Variants in ASTN2 observed in about 807,000 individuals in gnomAD.
ASTN2 encodes astrotactin-2.
Under a neutral mutation model 139.8 loss-of-function variants are expected in ASTN2, and 54 were observed. The observed-to-expected ratio is 0.39, with a 90% CI of 0.31 to 0.48. The LOEUF (loss-of-function observed/expected upper bound fraction) is 0.48. Among genes scored for constraint, ASTN2 ranks in the 20% least tolerant of loss-of-function variants. ASTN2 has a pLI of 0.95. For synonymous variants in ASTN2, 756 were observed against 719.5 expected, an observed-to-expected ratio of 1.05 and a Z score of -0.81; for missense variants, 1,565 against 1,725.1, an observed-to-expected ratio of 0.91 and a Z score of 1.64.
chr9:116,679,200 T>C (rs1166445023), intron 16 of ASTN2, among the ~76,000 whole-genome samples: 3 of 152,200 alleles, frequency 2.0e-5, no homozygotes, highest in African/African-American at 7.2e-5. Flanking sequence ...TGACTTATGG[T>C]AACCTGGGAT....
Position 116,629,702 on chromosome 9 carries a change from G to A in ASTN2, c.3073-9259C>T, listed in dbSNP as rs557068388. Among the ~76,000 whole-genome samples, 6 of 152,262 alleles carry A rather than the reference G, an allele frequency of 3.9e-5. No homozygotes were observed. The East Asian group carries it at 1.2e-3, about 29-fold the overall frequency. On this transcript the variant is annotated intron_variant, in intron 17 of 22. Transcript: ENST00000313400. ...AAACGACACCTAATTTCCCCTGTCA[G>A]GATAAGCTTCACTTTTCAAGCCATT... is the stretch of plus-strand genomic sequence containing the variant.
intron 7 of ASTN2, among the ~76,000 whole-genome samples, chr9:116,984,244 G>A (rs1025060776): frequency 6.6e-6 from 1 of 152,178 alleles, no homozygotes; most frequent in African/African-American, 2.4e-5. Flanking sequence ...CATGTGCTAT[G>A]AACCTATTTT....
At chr9:116,742,824 C>T (rs898927220) in intron 13 of ASTN2, among the ~76,000 whole-genome samples, 9 of 152,158 alleles carry the variant, frequency 5.9e-5, no homozygotes, top group Non-Finnish European at 8.8e-5. Context: ...ATAACTCCTT[C>T]GCTCCCATGG....
chr9:116,752,711 T>C (rs891629542), intron 13 of ASTN2, among the ~76,000 whole-genome samples: 1 of 152,162 alleles, frequency 6.6e-6, no homozygotes, highest in African/African-American at 2.4e-5. Flanking sequence ...GCAAAAGAGC[T>C]GAACAGACAC....
At chr9:117,085,000 G>C (rs1828524768) in intron 5 of ASTN2, among the ~76,000 whole-genome samples, 1 of 152,176 alleles carries the variant, frequency 6.6e-6, no homozygotes, top group Non-Finnish European at 1.5e-5. Flanking sequence ...CCTTGATCTA[G>C]GTCCTAGAAC....
intron 13 of ASTN2, among the ~76,000 whole-genome samples, chr9:116,752,634 G>T (rs911187986): frequency 3.3e-5 from 5 of 152,048 alleles, no homozygotes; most frequent in African/African-American, 1.2e-4. Flanking sequence ...ATCTGCTAAA[G>T]GATATCCAAA....
At chr9:116,676,190 G>A (rs984870823) in intron 16 of ASTN2, among the ~76,000 whole-genome samples, 3 of 152,104 alleles carry the variant, frequency 2.0e-5, no homozygotes, top group Non-Finnish European at 2.9e-5. Flanking sequence ...AATCTGATAT[G>A]CCAGCAAAAA....
At chr9:116,682,572 C>T (rs1490089470) in intron 16 of ASTN2, among the ~76,000 whole-genome samples, 2 of 152,224 alleles carry the variant, frequency 1.3e-5, no homozygotes, top group African/African-American at 2.4e-5. Context: ...AAGACGCATT[C>T]ACACGTATGT....
intron 2 of ASTN2, among the ~76,000 whole-genome samples, chr9:117,254,906 T>C (rs1833642762): frequency 6.6e-6 from 1 of 152,226 alleles, no homozygotes; most frequent in South Asian, 2.1e-4. Context: ...AGGCTTGCTG[T>C]GAGCCAGTAA....
intron 11 of ASTN2, among the ~76,000 whole-genome samples, chr9:116,858,129 G>T (rs1832788451): frequency 6.6e-6 from 1 of 152,166 alleles, no homozygotes; most frequent in Non-Finnish European, 1.5e-5. Flanking sequence ...GAACCCTTCT[G>T]CAAATGACTC....
rs142812477 is a variant in ASTN2 at position 116,726,020 on chromosome 9, CAGG to C, written c.2627-73_2627-71del. On this transcript the variant is annotated intron_variant, in intron 15 of 22. Transcript: ENST00000313400. ...TGGCGGCTAGCAAATTATACGGTGGCAGGAGTTCTTCCCAACCTGTATTTTGTG... is the reference window on the plus strand; with the variant it reads ...TGGCGGCTAGCAAATTATACGGTGGCAGTTCTTCCCAACCTGTATTTTGTG... The C allele has an allele frequency of 3.4e-4, 496 of 1,480,598 alleles. No individual in the cohort carries two copies. In the East Asian group the frequency reaches 7.7e-3, roughly 23 times the overall value. The allele number at this position is 1,480,598 out of a possible 1,614,324, so 91.7% of individuals were successfully genotyped here. A position where few individuals can be genotyped will look rare whatever the true frequency, so the allele number is the denominator to read the frequency against.
rs76359123 is a variant in ASTN2 at position 116,652,038 on chromosome 9, C to T, written c.2807-245G>A. 9.7e-3 allele frequency among the ~76,000 whole-genome samples: 1,476 copies of T among 152,174 alleles called. 13 individuals carry two copies. Among genetic ancestry groups the T allele is most frequent in the Non-Finnish European group, 0.015 (1,040 of 67,982 alleles). ...CTTGCTTTGTCTGGCCCTCATTTTTCCCGTATGTAAAGTTGGGGCCAGGCA... is the reference window on the plus strand; with the variant it reads ...CTTGCTTTGTCTGGCCCTCATTTTTTCCGTATGTAAAGTTGGGGCCAGGCA... On this transcript the variant is annotated intron_variant, in intron 16 of 22. Coordinates refer to ENST00000313400, the MANE Select transcript of ASTN2 (RefSeq NM_001365068.1).
At chr9:117,292,961 G>A (rs1273049430) in intron 1 of ASTN2, among the ~76,000 whole-genome samples, 1 of 151,962 alleles carries the variant, frequency 6.6e-6, no homozygotes, top group African/African-American at 2.4e-5. Context: ...AAATCCTTAG[G>A]AGAAGAGTGT....
chr9:117,276,817 G>T (rs1444903008), intron 2 of ASTN2, among the ~76,000 whole-genome samples: 1 of 152,200 alleles, frequency 6.6e-6, no homozygotes, highest in African/African-American at 2.4e-5. Flanking sequence ...CCCTAGCTGT[G>T]TGGTCTTGGG....
At chr9:116,552,477 C>T (rs1193759138) in intron 19 of ASTN2, among the ~76,000 whole-genome samples, 1 of 152,206 alleles carries the variant, frequency 6.6e-6, no homozygotes, top group Admixed American at 6.5e-5. Flanking sequence ...CTCTCATCCA[C>T]TAGAATTTGC....
At chr9:116,850,081 A>G (rs1832553515) in intron 11 of ASTN2, among the ~76,000 whole-genome samples, 2 of 152,196 alleles carry the variant, frequency 1.3e-5, no homozygotes. Context: ...TCCCAAGTCC[A>G]GTGTTCTGGG....
rs566395020 is a variant in ASTN2, at chr9:116,796,032, A to G, written c.2396+9600T>C. 2.6e-5 allele frequency among the ~76,000 whole-genome samples: 4 copies of G among 152,324 alleles called. No homozygotes were observed. In the South Asian group the frequency reaches 8.3e-4, roughly 32 times the overall value. On this transcript the variant is annotated intron_variant, in intron 13 of 22. Coordinates refer to ENST00000313400, the MANE Select transcript of ASTN2 (RefSeq NM_001365068.1). ...GTCCCTGCATAATCCTGCACATGCA[A>G]GTGAGCTTTGCTTACAGCTCCTCCT... is the stretch of plus-strand genomic sequence containing the variant.
chr9:116,509,034 G>A (rs903199352), intron 19 of ASTN2, among the ~76,000 whole-genome samples: 2 of 152,022 alleles, frequency 1.3e-5, no homozygotes, highest in Non-Finnish European at 2.9e-5. Flanking sequence ...TATAATTTAA[G>A]TTCTAGGGTA....
At chr9:116,750,937 T>C (rs1338331618) in intron 13 of ASTN2, among the ~76,000 whole-genome samples, 1 of 152,222 alleles carries the variant, frequency 6.6e-6, no homozygotes, top group Non-Finnish European at 1.5e-5. Context: ...AAATTTGACA[T>C]AGAAATGTAA....
Sources: allele counts gnomAD v4.1 joint callset (sites outside exome capture counted in the v4.1 genomes callset), GRCh38; gene constraint gnomAD v4.1.1; transcripts MANE v1.5; gene names NCBI Gene and HGNC (gene_info 2026-07-23, HGNC 2026-07-21).